CYGB: variants seen among roughly 807,000 people sequenced by gnomAD.
The protein encoded by CYGB is histoglobin.
In CYGB, 13 loss-of-function variants were observed where a neutral mutation model predicts 20.7. The ratio of observed to expected loss-of-function variants is 0.63; its 90% CI spans 0.41 to 1.00. The LOEUF (loss-of-function observed/expected upper bound fraction) is 1.00, where lower values mean the gene tolerates loss of function less well. Among genes scored for constraint, CYGB ranks in the 50% least tolerant of loss-of-function variants. CYGB has a pLI of 0.00. For missense variants in CYGB, 218 were observed against 257.2 expected, an observed-to-expected ratio of 0.85 and a Z score of 1.04; for synonymous variants, 93 against 107.4, an observed-to-expected ratio of 0.87 and a Z score of 0.83.
At position 76,530,939 on chromosome 17, in the gene CYGB, G is replaced by C; in HGVS notation, c.539+40C>G. 6.5e-7 allele frequency: 1 copy of C among 1,530,358 alleles called. No individual in the cohort carries two copies. Among genetic ancestry groups the C allele is most frequent in the Non-Finnish European group, 8.8e-7 (1 of 1,134,588 alleles). 94.8% of individuals were successfully genotyped at this position (1,530,358 alleles called of 1,614,324 possible). A position where few individuals can be genotyped will look rare whatever the true frequency, so the allele number is the denominator to read the frequency against. The stretch of plus-strand genomic sequence containing the variant: ...GACCTCGGGGACAGCAGAGGACATG[G>C]CGGGGAGGCTGCCCAGCCCACCCTC... On this transcript the variant is annotated intron_variant, in intron 3 of 3. Transcript: ENST00000293230. This position sits in a 1 kb window ranked among gnomAD's most constrained non-coding sequence, Gnocchi z 6.1.
chr17:76,540,262 G>C (rs765266825), upstream of CYGB: 5 of 738,292 alleles, frequency 6.8e-6, 1 homozygote, highest in Admixed American at 2.1e-5. This position sits in a 1 kb window ranked among gnomAD's most constrained non-coding sequence, Gnocchi z 5.0. Context: ...GGGGGGGGGG[G>C]GCATGGGGCT....
intron 1 of CYGB, among the ~76,000 whole-genome samples, chr17:76,535,021 T>C (rs997351710): frequency 6.6e-6 from 1 of 152,238 alleles, no homozygotes; most frequent in Non-Finnish European, 1.5e-5. Flanking sequence ...CAAGAGAGCC[T>C]GAAATAGGCC....
chr17:76,529,822 C>T, intron 3 of CYGB: 5 of 985,330 alleles, frequency 5.1e-6, no homozygotes, highest in Non-Finnish European at 6.0e-6. Context: ...CTCAGGCAGG[C>T]CAGGGCCCAG....
Position 76,537,586 on chromosome 17 carries a change from G to GGCGGGGC in CYGB, c.-51_-45dup, listed in dbSNP as rs747063204. On this transcript the variant is annotated 5_prime_UTR_variant, in exon 1 of 4. Coordinates refer to ENST00000293230, the MANE Select transcript of CYGB (RefSeq NM_134268.5). ...CCCGGCTTTGCTCGGCGGCGGCGGT[G>GGCGGGGC]GCGGGGCGCGGGGCGCGGGGCGCGG... is the stretch of plus-strand genomic sequence containing the variant. The GGCGGGGC allele has an allele frequency of 8.2e-4, 995 of 1,208,488 alleles. 1 individual carries two copies. Among genetic ancestry groups the GGCGGGGC allele is most frequent in the African/African-American group, 3.8e-3 (238 of 63,236 alleles). 74.9% of individuals were successfully genotyped at this position (1,208,488 alleles called of 1,614,324 possible).
chr17:76,544,732 C>T (rs148776053), intron 1 of CYGB: 40 of 456,786 alleles, frequency 8.8e-5, no homozygotes, highest in Non-Finnish European at 1.3e-4. Flanking sequence ...CTGTGTTCCC[C>T]GATCCTATCT....
intron 1 of CYGB, among the ~76,000 whole-genome samples, chr17:76,548,110 C>T (rs1163896389): frequency 1.6e-4 from 25 of 151,858 alleles, no homozygotes; most frequent in Admixed American, 1.6e-3. Context: ...CAGAAACACA[C>T]ACACATAATC....
At chr17:76,542,658 A>G (rs1361154450), upstream of CYGB, 6 of 1,470,202 alleles carry the variant, frequency 4.1e-6, no homozygotes, top group Non-Finnish European at 4.8e-6. Context: ...GGAGCCGGGG[A>G]GGGCAGAGGG....
chr17:76,531,247 C>A lies in CYGB; in HGVS notation c.376-105G>T. 1 of 1,344,178 alleles carries A rather than the reference C, an allele frequency of 7.4e-7. No individual in the cohort carries two copies. Among genetic ancestry groups the A allele is most frequent in the Non-Finnish European group, 1.0e-6 (1 of 979,368 alleles). 83.3% of individuals were successfully genotyped at this position (1,344,178 alleles called of 1,614,324 possible). ...GTGGCCGAGAGGATCATTCCTAACG[C>A]AACAGTCTGGCAGCTTTGGGAACCC... On this transcript the variant is annotated intron_variant, in intron 2 of 3. Coordinates refer to ENST00000293230, the MANE Select transcript of CYGB (RefSeq NM_134268.5). The surrounding 1 kb of genome is among the most constrained non-coding windows in gnomAD (Gnocchi z 7.4).
intron 1 of CYGB, chr17:76,543,687 T>C (rs2075019005): frequency 4.4e-6 from 2 of 454,722 alleles, no homozygotes; most frequent in Admixed American, 4.8e-5. Context: ...TTTGCTGGCC[T>C]GGCCAACTGC....
At chr17:76,545,595 T>C (rs1017878379) in intron 1 of CYGB, 5 of 341,956 alleles carry the variant, frequency 1.5e-5, no homozygotes, top group African/African-American at 4.3e-5. Flanking sequence ...GCTCCTGGGT[T>C]TGAACCTTGT....
At chr17:76,540,087 C>T (rs1598210951), upstream of CYGB, 3 of 1,554,314 alleles carry the variant, frequency 1.9e-6, no homozygotes, top group East Asian at 4.7e-5. The surrounding 1 kb of genome is among the most constrained non-coding windows in gnomAD (Gnocchi z 5.0). Context: ...CATTTTGGCC[C>T]CTCGCCTGTG....
At position 76,537,558 on chromosome 17, in the gene CYGB, C is replaced by T; in HGVS notation, c.-16G>A. On this transcript the variant is annotated 5_prime_UTR_variant, in exon 1 of 4. Coordinates refer to ENST00000293230, the MANE Select transcript of CYGB (RefSeq NM_134268.5). Reference sequence around the variant, plus strand: ...CTTTCTCCATGAGCAGCTCCAAGCCCAGCCCGGCTTTGCTCGGCGGCGGCG... The same window carrying T: ...CTTTCTCCATGAGCAGCTCCAAGCCTAGCCCGGCTTTGCTCGGCGGCGGCG... 7.2e-7 allele frequency: 1 copy of T among 1,387,648 alleles called. No homozygotes were observed. The highest frequency in any genetic ancestry group is 2.9e-5 in the East Asian group (1 of 34,660). 86.0% of individuals were successfully genotyped at this position (1,387,648 alleles called of 1,614,324 possible).
chr17:76,540,292 G>A, upstream of CYGB: 1 of 1,461,486 alleles, frequency 6.8e-7, no homozygotes, highest in East Asian at 2.5e-5. The surrounding 1 kb of genome is among the most constrained non-coding windows in gnomAD (Gnocchi z 5.0). Flanking sequence ...CCAAGCTGAA[G>A]GTGGGCAGGG....
intron 3 of CYGB, chr17:76,529,280 T>C (rs529744208): frequency 2.3e-4 from 222 of 985,332 alleles, no homozygotes; most frequent in East Asian, 1.6e-3. Flanking sequence ...TGTAAAGGGA[T>C]GAGGGGACCA....
exon 1 of CYGB, chr17:76,550,907 G>C (rs572081775): frequency 1.3e-5 from 2 of 152,350 alleles, no homozygotes; most frequent in South Asian, 4.1e-4. Flanking sequence ...CTGATTTAAC[G>C]AAGTCCCGTG....
Position 76,537,642 on chromosome 17 carries a change from C to A in CYGB, c.-100G>T. 1.0e-6 allele frequency: 1 copy of A among 965,054 alleles called. No individual in the cohort carries two copies. The allele number at this position is 965,054 out of a possible 1,614,324, so 59.8% of individuals were successfully genotyped here. A position where few individuals can be genotyped will look rare whatever the true frequency, so the allele number is the denominator to read the frequency against. On this transcript the variant is annotated 5_prime_UTR_variant, in exon 1 of 4. Transcript: ENST00000293230. ...CGGGAGCCGGGGCCGGCTGCGTGCGCGGCGGGCGGGCGAGGGGTAGAGCGC... is the reference window on the plus strand; with the variant it reads ...CGGGAGCCGGGGCCGGCTGCGTGCGAGGCGGGCGGGCGAGGGGTAGAGCGC...
At chr17:76,545,235 G>A (rs1026547194) in intron 1 of CYGB, 7 of 456,678 alleles carry the variant, frequency 1.5e-5, no homozygotes, top group African/African-American at 1.4e-4. Context: ...ACCTCTCTCA[G>A]CCTAGAGCTC....
chr17:76,544,921 A>C, intron 1 of CYGB: 1 of 456,756 alleles, frequency 2.2e-6, no homozygotes, highest in Non-Finnish European at 4.4e-6. Flanking sequence ...GAACCTGCGC[A>C]GGAGGTGGTG....
intron 1 of CYGB, among the ~76,000 whole-genome samples, chr17:76,535,582 T>A (rs1286838919): frequency 6.6e-6 from 1 of 151,712 alleles, no homozygotes; most frequent in Non-Finnish European, 1.5e-5. Flanking sequence ...GGAGTCAGAG[T>A]GGTGAGGGGT....
Sources: gnomAD v4.1 joint callset for allele counts (sites outside exome capture counted in the v4.1 genomes callset) on GRCh38, gnomAD v4.1.1 for gene constraint, Gnocchi (gnomAD v3.1) non-coding constraint, MANE v1.5 for transcripts, NCBI Gene and HGNC (gene_info 2026-07-23, HGNC 2026-07-21) for gene names.